Variants in SORCS3 observed in about 807,000 individuals in gnomAD.
The protein encoded by SORCS3 is sortilin related VPS10 domain containing receptor 3.
Under a neutral mutation model 146.3 loss-of-function variants are expected in SORCS3, and 57 were observed. The observed-to-expected ratio is 0.39, with a 90% CI of 0.31 to 0.49. The LOEUF (loss-of-function observed/expected upper bound fraction) is 0.49. SORCS3 is among the 20% of genes least tolerant of loss of function. The pLI, the probability that SORCS3 is intolerant of heterozygous loss-of-function variation, is 0.92. For missense variants in SORCS3, 1,341 were observed against 1,575.5 expected, an observed-to-expected ratio of 0.85 and a Z score of 2.52; for synonymous variants, 653 against 618.5, an observed-to-expected ratio of 1.06 and a Z score of -0.83.
intron 1 of SORCS3, among the ~76,000 whole-genome samples, chr10:104,741,397 A>C (rs376598627): frequency 3.2e-4 from 49 of 152,178 alleles, no homozygotes; most frequent in African/African-American, 9.9e-4. Flanking sequence ...AGTTACTCGG[A>C]GCAGAGGCCT....
intron 1 of SORCS3, among the ~76,000 whole-genome samples, chr10:104,739,154 A>G (rs893593812): frequency 6.6e-6 from 1 of 152,198 alleles, no homozygotes; most frequent in African/African-American, 2.4e-5. Context: ...CTCTGCTGCC[A>G]GCTGCCTCAG....
intron 1 of SORCS3, among the ~76,000 whole-genome samples, chr10:104,765,734 A>C (rs925432740): frequency 6.6e-6 from 1 of 152,250 alleles, no homozygotes; most frequent in Non-Finnish European, 1.5e-5. Context: ...TATGCCAGGA[A>C]TAGTTCAAAG....
At chr10:105,009,064 A>C (rs1477269560) in intron 4 of SORCS3, among the ~76,000 whole-genome samples, 4 of 152,216 alleles carry the variant, frequency 2.6e-5, no homozygotes, top group Admixed American at 6.5e-5. Flanking sequence ...GTTATTGAGC[A>C]GTTACTATAT....
chr10:105,019,879 A>G (rs2055188774), intron 4 of SORCS3, among the ~76,000 whole-genome samples: 1 of 152,208 alleles, frequency 6.6e-6, no homozygotes. Context: ...GCTGAATTAA[A>G]GATTAGCTTG....
intron 1 of SORCS3, among the ~76,000 whole-genome samples, chr10:104,794,728 G>A (rs1036269798): frequency 1.3e-5 from 2 of 151,994 alleles, no homozygotes; most frequent in African/African-American, 4.8e-5. Flanking sequence ...TATAGCATAT[G>A]CCTTCTCACA....
intron 3 of SORCS3, among the ~76,000 whole-genome samples, chr10:104,974,011 T>G (rs1222796317): frequency 6.6e-6 from 1 of 152,090 alleles, no homozygotes; most frequent in Non-Finnish European, 1.5e-5. Flanking sequence ...CGGTTTTGAG[T>G]GAGATTCTTA....
intron 1 of SORCS3, among the ~76,000 whole-genome samples, chr10:104,746,965 A>G (rs1016353400): frequency 1.3e-5 from 2 of 152,216 alleles, no homozygotes; most frequent in African/African-American, 4.8e-5. Context: ...TTAAAATGAG[A>G]AGACTGAGGC....
intron 2 of SORCS3, among the ~76,000 whole-genome samples, chr10:104,850,102 A>G (rs1013191307): frequency 6.6e-6 from 1 of 152,202 alleles, no homozygotes; most frequent in East Asian, 1.9e-4. Context: ...TGGAGGGCCT[A>G]AGCCCATTGA....
chr10:105,047,532 T>G (rs528820380), intron 5 of SORCS3, among the ~76,000 whole-genome samples: 1 of 152,096 alleles, frequency 6.6e-6, no homozygotes, highest in African/African-American at 2.4e-5. Context: ...TTCTTACCCC[T>G]TTTCTGAGAT....
Position 104,665,898 on chromosome 10 carries a change from G to C in SORCS3, c.627+23944G>C, listed in dbSNP as rs149059891. ...CTAAGGCTCTGGTAAGGAAGAGTCC[G>C]TGGGTTCTTATTCAATAAATATTTA... On this transcript the variant is annotated intron_variant, in intron 1 of 26. Transcript: ENST00000369701. 279 of 152,308 alleles carry C rather than the reference G, an allele frequency of 1.8e-3. 2 individuals are homozygous for C. The highest frequency in any genetic ancestry group is 6.4e-3 in the African/African-American group (268 of 41,566). 9.4% of individuals were successfully genotyped at this position (152,308 alleles called of 1,614,324 possible).
chr10:104,652,794 A>AG (rs1399299006), intron 1 of SORCS3, among the ~76,000 whole-genome samples: 2 of 152,170 alleles, frequency 1.3e-5, no homozygotes, highest in African/African-American at 4.8e-5. Flanking sequence ...TACTCTTTTC[A>AG]GATCATGTGA....
intron 4 of SORCS3, among the ~76,000 whole-genome samples, chr10:105,039,451 CT>C (rs920662213): frequency 0.15 from 14,250 of 96,506 alleles, 393 homozygotes; most frequent in East Asian, 0.19. Context: ...CTCTCGCTCT[CT>C]TTTTTTTTTT....
chr10:104,816,020 C>T (rs890198778), intron 1 of SORCS3, among the ~76,000 whole-genome samples: 1 of 152,148 alleles, frequency 6.6e-6, no homozygotes, highest in African/African-American at 2.4e-5. Context: ...TGAGGGATAG[C>T]ACTGTTATAA....
chr10:105,167,438 C>T, intron 13 of SORCS3, 89 bp downstream of exon 13: 1 of 886,502 alleles, frequency 1.1e-6, no homozygotes, highest in South Asian at 1.6e-5. Context: ...TGGTTTTGTA[C>T]CCATTTGTAC....
intron 1 of SORCS3, among the ~76,000 whole-genome samples, chr10:104,823,615 T>G (rs2017900683): frequency 6.6e-6 from 1 of 152,154 alleles, no homozygotes; most frequent in Non-Finnish European, 1.5e-5. Context: ...ATTTCCAAAG[T>G]GCAGGTCCTA....
chr10:104,946,418 G>T (rs1382049986), intron 3 of SORCS3, among the ~76,000 whole-genome samples: 1 of 152,044 alleles, frequency 6.6e-6, no homozygotes, highest in East Asian at 1.9e-4. Flanking sequence ...CTTTCTCTCT[G>T]CATGCTGTGT....
At chr10:104,827,959 A>C (rs4503461) in intron 1 of SORCS3, among the ~76,000 whole-genome samples, 19,232 of 152,146 alleles carry the variant, frequency 0.13, 1,294 homozygotes, top group South Asian at 0.26. Context: ...CCTCTCTTAG[A>C]CTTCATGGAA....
At chr10:105,197,944 C>G (rs2056553254) in intron 14 of SORCS3, among the ~76,000 whole-genome samples, 1 of 152,126 alleles carries the variant, frequency 6.6e-6, no homozygotes, top group South Asian at 2.1e-4. Flanking sequence ...CAAGAAAGAG[C>G]AGACAACAGA....
chr10:104,887,971 G>GGGT (rs145157471), intron 2 of SORCS3, among the ~76,000 whole-genome samples: 13 of 83,110 alleles, frequency 1.6e-4, no homozygotes, highest in Non-Finnish European at 2.2e-4. Flanking sequence ...GGGGGGCGGG[G>GGGT]GCGGAGCAAG....
Sources: gnomAD v4.1 joint callset for allele counts (sites outside exome capture counted in the v4.1 genomes callset) on GRCh38, gnomAD v4.1.1 for gene constraint, MANE v1.5 for transcripts, NCBI Gene and HGNC (gene_info 2026-07-23, HGNC 2026-07-21) for gene names.